Variants in RNF213 observed in about 807,000 individuals in gnomAD.
RNF213 encodes E3 ubiquitin-protein ligase RNF213.
A neutral mutation model predicts 514.4 loss-of-function variants in RNF213; 341 were observed. The observed-to-expected ratio is 0.66, with a 90% CI of 0.61 to 0.73. The LOEUF (loss-of-function observed/expected upper bound fraction) is 0.73. RNF213 is among the 30% of genes least tolerant of loss of function. The pLI, the probability that RNF213 is intolerant of heterozygous loss-of-function variation, is 0.00. For synonymous variants in RNF213, 2,655 were observed against 2,658.2 expected, an observed-to-expected ratio of 1.00 and a Z score of 0.04; for missense variants, 5,767 against 6,615.6, an observed-to-expected ratio of 0.87 and a Z score of 4.45.
intron 32 of RNF213, chr17:80,352,622 A>T (rs1219284178): frequency 1.7e-6 from 1 of 590,222 alleles, no homozygotes; most frequent in Non-Finnish European, 3.0e-6. Context: ...CCCCTCACTA[A>T]CTGTGATACA....
chr17:80,274,907 TGTGAGTGGG>T (rs1369400132), intron 3 of RNF213, among the ~76,000 whole-genome samples: 1 of 36,022 alleles, frequency 2.8e-5, no homozygotes, highest in Non-Finnish European at 5.4e-5. Context: ...GTTGGGGGTG[TGTGAGTGGG>T]GTGTGAGTGG....
intron 12 of RNF213, among the ~76,000 whole-genome samples, 198 bp downstream of exon 12, chr17:80,306,666 A>C (rs150183191): frequency 0.033 from 5,037 of 152,182 alleles, 290 homozygotes; most frequent in African/African-American, 0.11. Flanking sequence ...CCTGGCTAAC[A>C]CAGTGAAACC....
intron 67 of RNF213, among the ~76,000 whole-genome samples, chr17:80,391,208 T>C (rs2080459049): frequency 6.6e-6 from 1 of 152,206 alleles, no homozygotes; most frequent in African/African-American, 2.4e-5. Flanking sequence ...TATTTCCCCA[T>C]TTACCGTGAG....
chr17:80,319,556 C>T (rs2046068484), intron 17 of RNF213: 9 of 1,606,150 alleles, frequency 5.6e-6, no homozygotes, highest in South Asian at 4.4e-5. Context: ...TATGGAATCA[C>T]GGCCGTGCGC....
chr17:80,292,213 T>C (rs534826362), intron 8 of RNF213, among the ~76,000 whole-genome samples: 2 of 152,134 alleles, frequency 1.3e-5, no homozygotes, highest in South Asian at 4.2e-4. Flanking sequence ...GCCTCCCGAG[T>C]AGCTGGGATT....
In RNF213 at chr17:80,303,715, C is replaced by T. The variant is rs1317212766; in HGVS notation, c.2211-2537C>T. Among the ~76,000 whole-genome samples, 3 of 151,796 alleles carry T rather than the reference C, an allele frequency of 2.0e-5. No individual in the cohort carries two copies. The East Asian group carries it at 5.8e-4, about 29-fold the overall frequency. On this transcript the variant is annotated intron_variant, in intron 11 of 67. Coordinates refer to ENST00000582970, the MANE Select transcript of RNF213 (RefSeq NM_001256071.3). ...AGTAGCTGGGACTACAGGTGCATGT[C>T]ATCACACATCACATGTGGCTAATTT... is the stretch of plus-strand genomic sequence containing the variant.
chr17:80,299,629 G>T (rs1006402397), intron 11 of RNF213, among the ~76,000 whole-genome samples: 12 of 151,946 alleles, frequency 7.9e-5, no homozygotes, highest in African/African-American at 2.9e-4. Context: ...CTTGTGTTAT[G>T]GAGTTTTTTT....
intron 23 of RNF213, among the ~76,000 whole-genome samples, chr17:80,337,171 A>T (rs997744723): frequency 1.3e-5 from 2 of 152,212 alleles, no homozygotes; most frequent in African/African-American, 4.8e-5. Context: ...CCACAGAAGG[A>T]CACTGAGGAC....
chr17:80,363,760 G>C lies in RNF213; in HGVS notation c.11720G>C (p.Ser3907Thr). The change falls in exon 41 of 68, where the codon AGC becomes ACC. Residue 3907 changes from serine to threonine, a missense_variant. Around this residue, in one of 13 missense-constraint regions of RNF213, gnomAD observed 355 missense variants for 358.0 expected, o/e 0.99. Coordinates refer to ENST00000582970, the MANE Select transcript of RNF213 (RefSeq NM_001256071.3). ...CSDEHMQGSG[S>T]LAQAVIREVR... ...GATGAGCACATGCAAGGCAGCGGGA[G>C]CCTGGCCCAGGCTGTCATCAGGGAA... The C allele has an allele frequency of 1.2e-6, 2 of 1,613,662 alleles. No homozygotes were observed. The highest frequency in any genetic ancestry group is 2.2e-5 in the South Asian group (2 of 91,062).
In RNF213 at chr17:80,347,044, CA is replaced by C; in HGVS notation, c.8710del (p.Ser2904AlafsTer8). The stretch of plus-strand genomic sequence containing the variant: ...ACCGGGGCATTTTTGTGTCACGTGG[CA>C]GCCCCAACGAGACAGAGCTCATAGA... Reference protein sequence around the residue: ...MNRGIFVSRGSPNETELIESA... With the variant: ...MNRGIFVSRGXPNETELIESA... On this transcript the variant is annotated frameshift_variant, in exon 29 of 68. Transcript: ENST00000582970. LOFTEE classifies it high-confidence loss of function. This position sits in a 1 kb window ranked among gnomAD's most constrained non-coding sequence, Gnocchi z 7.2. 2 of 1,614,068 alleles carry C rather than the reference CA, an allele frequency of 1.2e-6. No individual in the cohort carries two copies. The highest frequency in any genetic ancestry group is 8.5e-7 in the Non-Finnish European group (1 of 1,180,018).
rs780288856 is a variant in RNF213 at position 80,345,321 on chromosome 17, G to A, written c.6986G>A (p.Ser2329Asn). ...CATCTGCAGCCCAACATCAACGGCA[G>A]TGTCGATGCCATCAGTCACTTGACT... ...GFHLQPNING[S>N]VDAISHLTGK... The change falls in exon 29 of 68, where the codon AGT becomes AAT. Residue 2329 changes from serine to asparagine, a missense_variant. Around this residue, in one of 13 missense-constraint regions of RNF213, gnomAD observed 1,377 missense variants for 1,635.2 expected, o/e 0.84. Coordinates refer to ENST00000582970, the MANE Select transcript of RNF213 (RefSeq NM_001256071.3). This position sits in a 1 kb window ranked among gnomAD's most constrained non-coding sequence, Gnocchi z 6.0. 4 of 1,613,986 alleles carry A rather than the reference G, an allele frequency of 2.5e-6. No homozygotes were observed. In the East Asian group the frequency reaches 8.9e-5, roughly 36 times the overall value.
Position 80,393,599 on chromosome 17 carries a change from A to C in RNF213, c.*101A>C, listed in dbSNP as rs1208545771. Reference sequence around the variant, plus strand: ...CATGGACTGGTGCCTTTGCATTCAGAAGGAGAGCTGTCAGCGTAGCACCGA... The same window carrying C: ...CATGGACTGGTGCCTTTGCATTCAGCAGGAGAGCTGTCAGCGTAGCACCGA... On this transcript the variant is annotated 3_prime_UTR_variant, in exon 68 of 68. Coordinates refer to ENST00000582970, the MANE Select transcript of RNF213 (RefSeq NM_001256071.3). The C allele has an allele frequency of 6.0e-6, 8 of 1,334,156 alleles. No individual in the cohort carries two copies. The Admixed American group carries it at 1.2e-4, about 20-fold the overall frequency. 82.6% of individuals were successfully genotyped at this position (1,334,156 alleles called of 1,614,324 possible). A position where few individuals can be genotyped will look rare whatever the true frequency, so the allele number is the denominator to read the frequency against.
At chr17:80,388,443 A>C in intron 63 of RNF213, 169 bp from the exon 64 acceptor site, 1 of 660,330 alleles carries the variant, frequency 1.5e-6, no homozygotes, top group Non-Finnish European at 2.7e-6. Flanking sequence ...TTGTGTTACT[A>C]TTTCCATAGA....
At chr17:80,319,924 A>G (rs2046082508) in intron 17 of RNF213, 1 of 1,041,682 alleles carries the variant, frequency 9.6e-7, no homozygotes, top group Admixed American at 5.0e-5. Flanking sequence ...GTCCAGAAAC[A>G]TTGAGGTCAT....
chr17:80,339,321 C>A lies in RNF213; in HGVS notation c.4954C>A (p.Gln1652Lys), dbSNP rs1464016374. The change falls in exon 26 of 68, where the codon CAA (glutamine) becomes AAA (lysine). Residue 1652 changes from glutamine (Q) to lysine (K), a missense_variant. Around this residue, in one of 13 missense-constraint regions of RNF213, gnomAD observed 1,377 missense variants for 1,635.2 expected, o/e 0.84. Coordinates refer to ENST00000582970, the MANE Select transcript of RNF213 (RefSeq NM_001256071.3). ...YCSPKQGVSL[Q>K]MDFGLDLVTE... ...CTCCCCCAAGCAGGGTGTGTCCCTC[C>A]AAATGGACTTTGGCTTGGACCTGGT... 2.0e-6 allele frequency: 3 copies of A among 1,537,190 alleles called. No individual in the cohort carries two copies. The highest frequency in any genetic ancestry group is 1.2e-5 in the South Asian group (1 of 84,062).
Position 80,344,784 on chromosome 17 carries a change from C to A in RNF213, c.6449C>A (p.Thr2150Lys). The A allele has an allele frequency of 6.2e-7, 1 of 1,614,190 alleles. No individual in the cohort carries two copies. Among genetic ancestry groups the A allele is most frequent in the Non-Finnish European group, 8.5e-7 (1 of 1,180,052 alleles). ...GAGCTGAGTGCCCTGAGGAGTGACA[C>A]AGAGCCTGGGATGGATCTGTGGGAG... ...DMELSALRSDTEPGMDLWEFC... is the reference protein window; with the variant it reads ...DMELSALRSDKEPGMDLWEFC... The change falls in exon 29 of 68, where the codon ACA (threonine) becomes AAA (lysine). Residue 2150 changes from threonine (T) to lysine (K), a missense_variant. Thr to Lys is a moderately conservative substitution (Grantham distance 78, BLOSUM62 -1). This residue lies in a region of RNF213 where 1,377 missense variants were observed against 1,635.2 expected (regional missense o/e 0.84). Coordinates refer to ENST00000582970, the MANE Select transcript of RNF213 (RefSeq NM_001256071.3).
intron 22 of RNF213, among the ~76,000 whole-genome samples, chr17:80,334,861 C>T (rs1182763867): frequency 2.6e-5 from 4 of 151,156 alleles, no homozygotes; most frequent in African/African-American, 2.4e-5. Context: ...CTCCTGACCT[C>T]GTGATCAGCC....
intron 44 of RNF213, 96 bp downstream of exon 44, chr17:80,368,239 T>C: frequency 7.2e-7 from 1 of 1,386,502 alleles, no homozygotes; most frequent in Non-Finnish European, 1.0e-6. Flanking sequence ...TAACCTTCAT[T>C]TGGTAGAAAA....
At chr17:80,376,155 T>C (rs533934619) in intron 51 of RNF213, 146 bp from the exon 52 acceptor site, 19 of 896,078 alleles carry the variant, frequency 2.1e-5, no homozygotes, top group Non-Finnish European at 2.7e-5. Flanking sequence ...CACAATTCTC[T>C]TCTCTGAAAA....
Sources: gnomAD v4.1 joint callset for allele counts (sites outside exome capture counted in the v4.1 genomes callset) on GRCh38, gnomAD v4.1.1 for gene constraint, gnomAD v4.1.1 regional missense constraint, Gnocchi (gnomAD v3.1) non-coding constraint, MANE v1.5 for transcripts, NCBI Gene and HGNC (gene_info 2026-07-23, HGNC 2026-07-21) for gene names.